The following KIF2C variants were observed in gnomAD, a reference collection of about 807,000 sequenced individuals.
KIF2C encodes kinesin-like protein KIF2C.
In KIF2C, 34 loss-of-function variants were observed where a neutral mutation model predicts 97.4. That is an observed-to-expected ratio of 0.35 (90% CI 0.27 to 0.46). The LOEUF is 0.46. Ranked by LOEUF, KIF2C falls within the 20% of genes least tolerant of loss-of-function variation. The pLI is 1.00. For synonymous variants in KIF2C, 313 were observed against 318.2 expected (o/e 0.98, Z 0.17); for missense variants, 750 against 907.6 (o/e 0.83, Z 2.23).
intron 2 of KIF2C, among the ~76,000 whole-genome samples, chr1:44,745,576 C>T (rs533981958): frequency 4.2e-4 from 60 of 144,300 alleles, no homozygotes; most frequent in African/African-American, 1.5e-3. Context: ...CGGGTTCAAG[C>T]GATTCTTCTG....
intron 4 of KIF2C, among the ~76,000 whole-genome samples, chr1:44,748,575 TG>T (rs957631994): frequency 2.6e-5 from 4 of 152,294 alleles, no homozygotes; most frequent in African/African-American, 9.6e-5. Context: ...GGGTCTCACT[TG>T]GTTGTCCATG....
chr1:44,753,399 T>G (rs1189259556), intron 6 of KIF2C, 145 bp downstream of exon 6: 1 of 922,064 alleles, frequency 1.1e-6, no homozygotes, highest in Non-Finnish European at 1.6e-6. Flanking sequence ...ATGGAATCAG[T>G]CTTTCATTAT....
At chr1:44,757,712 A>G in intron 11 of KIF2C, 66 bp downstream of exon 11, 1 of 1,249,902 alleles carries the variant, frequency 8.0e-7, no homozygotes, top group Non-Finnish European at 1.2e-6. Context: ...CTATAAAGGG[A>G]GACAATGAGT....
chr1:44,759,288 A>C lies in KIF2C; in HGVS notation c.1307A>C (p.Glu436Ala), dbSNP rs1420725626. 3.1e-6 allele frequency: 5 copies of C among 1,614,056 alleles called. No homozygotes were observed. The highest frequency in any genetic ancestry group is 3.3e-5 in the Admixed American group (2 of 59,990). The change falls in exon 14 of 21, where the codon GAG becomes GCG. Residue 436 changes from glutamate (E) to alanine (A), a missense_variant. Glu to Ala is a moderately radical substitution (Grantham distance 107). Coordinates refer to ENST00000372224, the MANE Select transcript of KIF2C (RefSeq NM_006845.4). Reference protein sequence around the residue: ...KQQVQVVGLQEHLVNSADDVI... With the variant: ...KQQVQVVGLQAHLVNSADDVI... ...CAGGTGCAAGTGGTGGGGCTGCAGG[A>C]GCATCTGGTTAACTCTGCTGATGAT...
intron 14 of KIF2C, among the ~76,000 whole-genome samples, chr1:44,759,996 C>T (rs1650053694): frequency 6.6e-6 from 1 of 152,150 alleles, no homozygotes. Context: ...CCTTTGGGCC[C>T]TTTAGCAGAG....
chr1:44,743,426 T>TA (rs1649031643), intron 2 of KIF2C, among the ~76,000 whole-genome samples: 1 of 152,212 alleles, frequency 6.6e-6, no homozygotes, highest in African/African-American at 2.4e-5. Context: ...TCCAAAATGC[T>TA]AGACACTTAT....
In KIF2C at chr1:44,760,566, C is replaced by T; in HGVS notation, c.1573-26C>T. 2.9e-5 allele frequency: 46 copies of T among 1,612,288 alleles called. No homozygotes were observed. Among genetic ancestry groups the T allele is most frequent in the Non-Finnish European group, 3.9e-5 (46 of 1,178,712 alleles). On this transcript the variant is annotated intron_variant, in intron 15 of 20. Transcript: ENST00000372224. This position sits in a 1 kb window ranked among gnomAD's most constrained non-coding sequence, Gnocchi z 4.2. ...GGATCAGTGCAAGGAAAGAAGGGAC[C>T]TCAGTTGTTCCTGCTGCCCCCACAG...
intron 17 of KIF2C, 66 bp downstream of exon 17, chr1:44,762,049 G>A: frequency 6.9e-7 from 1 of 1,442,100 alleles, no homozygotes. Flanking sequence ...AGTGATGAGA[G>A]GGGAGGAGGC....
intron 8 of KIF2C, among the ~76,000 whole-genome samples, chr1:44,755,676 C>G (rs547879090): frequency 6.6e-6 from 1 of 152,338 alleles, no homozygotes; most frequent in Admixed American, 6.5e-5. Flanking sequence ...GGCTAGATTC[C>G]TGCATTAGTA....
chr1:44,766,929 A>G lies in KIF2C; in HGVS notation c.2075A>G (p.Lys692Arg), dbSNP rs1373357069. ...KAESALAQQA[K>R]HFSALRDVIK... is the part of the protein sequence containing the mutation. ...GAATCTGCTCTGGCCCAGCAAGCCA[A>G]GCATTTCTCAGCCCTGCGAGGTGGG... Residue 692 changes from lysine (K) to arginine (R), a missense_variant, in exon 20 of 21, where the codon AAG becomes AGG. By Grantham distance (26) the Lys-to-Arg change is conservative. Transcript: ENST00000372224. 6.2e-7 allele frequency: 1 copy of G among 1,614,256 alleles called. No individual in the cohort carries two copies. The highest frequency in any genetic ancestry group is 1.1e-5 in the South Asian group (1 of 91,088).
intron 5 of KIF2C, among the ~76,000 whole-genome samples, chr1:44,751,115 C>T (rs1649485788): frequency 6.6e-6 from 1 of 152,190 alleles, no homozygotes; most frequent in African/African-American, 2.4e-5. Context: ...TTTGCAGCTC[C>T]TAATTCCCCC....
chr1:44,740,961 G>A lies in KIF2C; in HGVS notation c.119G>A (p.Cys40Tyr). ...NVRTVNLEKS[C>Y]VSVEWAEGGA... Reference sequence around the variant, plus strand: ...AGGACTGTGAACTTGGAGAAATCCTGTGTTTCAGTGGAATGGGCAGAAGGA... The same window carrying A: ...AGGACTGTGAACTTGGAGAAATCCTATGTTTCAGTGGAATGGGCAGAAGGA... Residue 40 changes from cysteine (C) to tyrosine (Y), a missense_variant, in exon 2 of 21, where the codon TGT (cysteine) becomes TAT (tyrosine). Transcript: ENST00000372224. The A allele has an allele frequency of 6.2e-7, 1 of 1,613,842 alleles. No individual in the cohort carries two copies. The highest frequency in any genetic ancestry group is 8.5e-7 in the Non-Finnish European group (1 of 1,179,834).
At chr1:44,742,270 C>T (rs1045851573) in intron 2 of KIF2C, among the ~76,000 whole-genome samples, 3 of 151,834 alleles carry the variant, frequency 2.0e-5, no homozygotes, top group Non-Finnish European at 4.4e-5. Flanking sequence ...CCACTACGCC[C>T]GGCTAATTTT....
intron 7 of KIF2C, 141 bp from the exon 8 acceptor site, chr1:44,754,609 G>A: frequency 1.4e-6 from 1 of 728,524 alleles, no homozygotes; most frequent in East Asian, 2.5e-5. Flanking sequence ...CTTTGTACCT[G>A]GCTTCTCAAC....
At chr1:44,759,092 C>T (rs979826253) in intron 13 of KIF2C, 114 bp from the exon 14 acceptor site, 24 of 1,364,178 alleles carry the variant, frequency 1.8e-5, no homozygotes, top group Non-Finnish European at 1.0e-6. Flanking sequence ...TTCGTATTCT[C>T]TGCCTTTCCT....
intron 2 of KIF2C, chr1:44,746,700 A>G: frequency 1.2e-6 from 2 of 1,605,090 alleles, no homozygotes; most frequent in Non-Finnish European, 1.7e-6. Flanking sequence ...TCTTCACCTC[A>G]TTCTCATCAC....
In KIF2C at chr1:44,739,939, A is replaced by G. The variant is rs200313536; in HGVS notation, c.7A>G (p.Met3Val). The change falls in exon 1 of 21, where the codon ATG becomes GTG. Residue 3 changes from methionine (M) to valine (V), a missense_variant. Transcript: ENST00000372224. MA[M>V]DSSLQARLFP... is the part of the protein sequence containing the mutation. ...TTCCTTGCTGACTCTCCGAATGGCC[A>G]TGGACTCGTCGCTTCAGGCCCGCCT... 6.2e-7 allele frequency: 1 copy of G among 1,614,168 alleles called. No individual in the cohort carries two copies. The highest frequency in any genetic ancestry group is 2.2e-5 in the East Asian group (1 of 44,880).
intron 2 of KIF2C, chr1:44,746,800 T>G (rs1649219229): frequency 1.3e-6 from 2 of 1,580,114 alleles, no homozygotes; most frequent in Non-Finnish European, 1.7e-6. Flanking sequence ...TTTATAGCTA[T>G]TCATACTTAG....
At position 44,757,605 on chromosome 1, in the gene KIF2C, A is replaced by C. The variant is rs753907681; in HGVS notation, c.1027A>C (p.Thr343Pro). 1 of 1,613,938 alleles carries C rather than the reference A, an allele frequency of 6.2e-7. No homozygotes were observed. The highest frequency in any genetic ancestry group is 2.2e-5 in the East Asian group (1 of 44,874). The change falls in exon 11 of 21, where the codon ACT (threonine) becomes CCT (proline). Residue 343 changes from threonine to proline, a missense_variant. Coordinates refer to ENST00000372224, the MANE Select transcript of KIF2C (RefSeq NM_006845.4). ...VQTIFEGGKA[T>P]CFAYGQTGSG... ...GACAATCTTTGAAGGTGGAAAAGCA[A>C]CTTGTTTTGCATATGGCCAGACAGG...
Sources: gnomAD v4.1 joint callset for allele counts (sites outside exome capture counted in the v4.1 genomes callset) on GRCh38, gnomAD v4.1.1 for gene constraint, Gnocchi (gnomAD v3.1) non-coding constraint, MANE v1.5 for transcripts, NCBI Gene and HGNC (gene_info 2026-07-23, HGNC 2026-07-21) for gene names.